Variants in ADGRB3 observed in about 807,000 individuals in gnomAD.
ADGRB3 encodes brain-specific angiogenesis inhibitor 3.
In ADGRB3, 37 loss-of-function variants were observed where a neutral mutation model predicts 193.4. The ratio of observed to expected loss-of-function variants is 0.19; its 90% CI spans 0.15 to 0.25. The LOEUF is 0.25. ADGRB3 is among the 10% of genes least tolerant of loss of function. The pLI is 1.00. For synonymous variants in ADGRB3, 690 were observed against 644.2 expected, an observed-to-expected ratio of 1.07 and a Z score of -1.08; for missense variants, 1,637 against 1,852.9, an observed-to-expected ratio of 0.88 and a Z score of 2.14.
At chr6:68,949,273 G>A (rs1767853260) in intron 6 of ADGRB3, among the ~76,000 whole-genome samples, 1 of 152,038 alleles carries the variant, frequency 6.6e-6, no homozygotes, top group Non-Finnish European at 1.5e-5. Flanking sequence ...TCAGTCTGTT[G>A]AGCTGAGCAG....
chr6:68,918,361 G>A (rs912171582), intron 3 of ADGRB3, among the ~76,000 whole-genome samples: 1 of 152,118 alleles, frequency 6.6e-6, no homozygotes, highest in East Asian at 1.9e-4. Context: ...ATGATGATGA[G>A]CAAACTATTC....
At chr6:68,676,243 T>G (rs2127296029) in intron 3 of ADGRB3, among the ~76,000 whole-genome samples, 1 of 151,854 alleles carries the variant, frequency 6.6e-6, no homozygotes, top group East Asian at 2.0e-4. Context: ...GTACAAAATA[T>G]TAGCTGGGCG....
chr6:68,963,159 A>G (rs1376298794), intron 8 of ADGRB3, among the ~76,000 whole-genome samples: 1 of 152,172 alleles, frequency 6.6e-6, no homozygotes, highest in Non-Finnish European at 1.5e-5. Flanking sequence ...AGGGAGGAGC[A>G]GTGCAGCAGG....
chr6:69,181,546 AT>A (rs1403430439), intron 17 of ADGRB3, among the ~76,000 whole-genome samples: 1 of 152,118 alleles, frequency 6.6e-6, no homozygotes, highest in East Asian at 1.9e-4. Context: ...TTATCTTTGA[AT>A]TTTTTGGAGG....
At chr6:68,678,050 A>G (rs1437630981) in intron 3 of ADGRB3, among the ~76,000 whole-genome samples, 1 of 152,142 alleles carries the variant, frequency 6.6e-6, no homozygotes, top group African/African-American at 2.4e-5. Flanking sequence ...TCTTTAGATT[A>G]TGTTAAGTCA....
chr6:68,948,875 G>GA (rs533144840), intron 6 of ADGRB3, among the ~76,000 whole-genome samples: 10 of 151,878 alleles, frequency 6.6e-5, no homozygotes, highest in Non-Finnish European at 1.2e-4. Context: ...GATTCAGTGG[G>GA]AAAAAAAGTG....
intron 30 of ADGRB3, among the ~76,000 whole-genome samples, chr6:69,374,175 T>C (rs1196741051): frequency 1.3e-5 from 2 of 152,074 alleles, no homozygotes; most frequent in African/African-American, 4.8e-5. Flanking sequence ...CTTTGAGACA[T>C]TACTTTTACT....
chr6:69,358,750 G>A (rs539003620), intron 28 of ADGRB3, among the ~76,000 whole-genome samples: 23 of 151,796 alleles, frequency 1.5e-4, no homozygotes, highest in South Asian at 6.2e-4. Flanking sequence ...AGTTTCTCTC[G>A]AAAGTCCCAT....
intron 21 of ADGRB3, among the ~76,000 whole-genome samples, chr6:69,325,555 T>C (rs1290624212): frequency 6.6e-6 from 1 of 152,178 alleles, no homozygotes; most frequent in African/African-American, 2.4e-5. Context: ...GAACTAATTC[T>C]TTACTTGTGT....
At chr6:69,099,872 C>A (rs772305757) in intron 17 of ADGRB3, among the ~76,000 whole-genome samples, 2 of 152,166 alleles carry the variant, frequency 1.3e-5, no homozygotes, top group Non-Finnish European at 2.9e-5. Flanking sequence ...CCATTACTCA[C>A]AGAGATTTAC....
chr6:69,162,963 A>T (rs542599676), intron 17 of ADGRB3, among the ~76,000 whole-genome samples: 1 of 152,056 alleles, frequency 6.6e-6, no homozygotes, highest in Non-Finnish European at 1.5e-5. Flanking sequence ...TTTCAACAGC[A>T]GGTTTCATAT....
In ADGRB3 at chr6:68,640,146, T is replaced by G. The variant is rs141886859; in HGVS notation, c.757+714T>G. The stretch of plus-strand genomic sequence containing the variant: ...GTCACCTGAGGACGGGGTGGAGGGG[T>G]GCAATGAAAACACATAGTGATCCTT... On this transcript the variant is annotated intron_variant, in intron 3 of 31. Transcript: ENST00000370598. 9.2e-4 allele frequency among the ~76,000 whole-genome samples: 140 copies of G among 152,084 alleles called. 1 individual carries two copies. Among genetic ancestry groups the G allele is most frequent in the African/African-American group, 3.2e-3 (133 of 41,480 alleles).
At chr6:69,244,348 T>G (rs1393183893) in intron 20 of ADGRB3, among the ~76,000 whole-genome samples, 1 of 152,034 alleles carries the variant, frequency 6.6e-6, no homozygotes, top group Non-Finnish European at 1.5e-5. Context: ...TAATGGAAGA[T>G]TTTTTTGTTT....
At chr6:68,920,180 C>G (rs1766995642) in intron 3 of ADGRB3, among the ~76,000 whole-genome samples, 2 of 152,222 alleles carry the variant, frequency 1.3e-5, no homozygotes, top group African/African-American at 2.4e-5. Flanking sequence ...ACACGAATAT[C>G]TAGACACACT....
intron 20 of ADGRB3, among the ~76,000 whole-genome samples, chr6:69,311,839 A>C (rs1276937307): frequency 1.3e-5 from 2 of 151,708 alleles, no homozygotes; most frequent in Non-Finnish European, 2.9e-5. Context: ...CAATTTCTCC[A>C]TGTGATTCTT....
At chr6:69,011,937 C>T (rs1769949983) in intron 11 of ADGRB3, among the ~76,000 whole-genome samples, 1 of 152,040 alleles carries the variant, frequency 6.6e-6, no homozygotes, top group African/African-American at 2.4e-5. Context: ...TACTGCCTTC[C>T]CACTCCGATT....
chr6:69,102,459 A>G lies in ADGRB3; in HGVS notation c.2480+26421A>G, dbSNP rs1773088977. 2.6e-5 allele frequency among the ~76,000 whole-genome samples: 4 copies of G among 152,354 alleles called. No individual in the cohort carries two copies. In the South Asian group the frequency reaches 8.3e-4, roughly 32 times the overall value. On this transcript the variant is annotated intron_variant, in intron 17 of 31. Coordinates refer to ENST00000370598, the MANE Select transcript of ADGRB3 (RefSeq NM_001704.3). ...ACATCTAAAACTCCTTTTAAGAAAG[A>G]CCAACTTTTATGTTTACTGTGTTTC... is the stretch of plus-strand genomic sequence containing the variant.
chr6:68,801,150 T>A (rs959494895), intron 3 of ADGRB3, among the ~76,000 whole-genome samples: 4 of 152,142 alleles, frequency 2.6e-5, no homozygotes, highest in Non-Finnish European at 4.4e-5. Flanking sequence ...ATGGAAAAAC[T>A]TAGTCCTCCT....
chr6:68,843,630 C>G (rs1768207405), intron 3 of ADGRB3, among the ~76,000 whole-genome samples: 2 of 150,702 alleles, frequency 1.3e-5, no homozygotes, highest in Admixed American at 1.3e-4. Context: ...TGATCTGTGT[C>G]AAAATACCAA....
Sources: allele counts gnomAD v4.1 joint callset (sites outside exome capture counted in the v4.1 genomes callset), GRCh38; gene constraint gnomAD v4.1.1; transcripts MANE v1.5; gene names NCBI Gene and HGNC (gene_info 2026-07-23, HGNC 2026-07-21).